TELO2: variants seen among roughly 807,000 people sequenced by gnomAD.
TELO2 encodes the protein telomere length regulation protein TEL2 homolog.
A neutral mutation model predicts 91.0 loss-of-function variants in TELO2; 71 were observed. The ratio of observed to expected loss-of-function variants is 0.78; its 90% confidence interval spans 0.64 to 0.95. TELO2 has a LOEUF of 0.95. Among genes scored for constraint, TELO2 ranks in the 40% least tolerant of loss-of-function variants. The pLI is 0.00. For missense variants in TELO2, 1,183 were observed against 1,141.3 expected, an observed-to-expected ratio of 1.04 and a Z score of -0.53; for synonymous variants, 584 against 518.9, an observed-to-expected ratio of 1.13 and a Z score of -1.71.
At chr16:1,499,871 C>T (rs1007153200) in intron 6 of TELO2, among the ~76,000 whole-genome samples, 2 of 152,226 alleles carry the variant, frequency 1.3e-5, no homozygotes, top group East Asian at 1.9e-4. Context: ...CGTTTTATCA[C>T]GTTCAGTTCA....
At chr16:1,499,154 G>C in intron 5 of TELO2, 77 bp from the exon 6 acceptor site, 1 of 1,474,020 alleles carries the variant, frequency 6.8e-7, no homozygotes, top group Non-Finnish European at 9.5e-7. Flanking sequence ...GCCGTCTGTG[G>C]GCATCGGAGT....
chr16:1,509,760 C>A, intron 20 of TELO2, 70 bp from the exon 21 acceptor site: 2 of 1,440,814 alleles, frequency 1.4e-6, no homozygotes, highest in South Asian at 1.2e-5. Context: ...TTCAGGCAGA[C>A]TGAAGACAGG....
intron 20 of TELO2, among the ~76,000 whole-genome samples, 166 bp downstream of exon 20, chr16:1,507,882 GT>G: frequency 7.5e-6 from 1 of 132,534 alleles, no homozygotes; most frequent in African/African-American, 3.2e-5. Context: ...GTGTGTGTGT[GT>G]GTGTGTGTGT....
chr16:1,505,051 TC>T lies in TELO2; in HGVS notation c.1843-353del, dbSNP rs571627459. 1.7e-3 allele frequency: 381 copies of T among 219,024 alleles called. 1 individual carries two copies. The highest frequency in any genetic ancestry group is 8.1e-3 in the African/African-American group (361 of 44,420). 13.6% of individuals were successfully genotyped at this position (219,024 alleles called of 1,614,324 possible). A position where few individuals can be genotyped will look rare whatever the true frequency, so the allele number is the denominator to read the frequency against. On this transcript the variant is annotated intron_variant, in intron 15 of 20. Coordinates refer to ENST00000262319, the MANE Select transcript of TELO2 (RefSeq NM_016111.4). The surrounding 1 kb of genome is among the most constrained non-coding windows in gnomAD (Gnocchi z 4.3). Reference sequence around the variant, plus strand: ...GTGCCTTCTCTGCAATGTTCTGAGGTCCCCCCGCCCGTGGCACGTGCCGCTG... The same window carrying T: ...GTGCCTTCTCTGCAATGTTCTGAGGTCCCCCGCCCGTGGCACGTGCCGCTG...
In TELO2 at chr16:1,501,414, C is replaced by T; in HGVS notation, c.1282-6C>T. 3 of 1,612,202 alleles carry T rather than the reference C, an allele frequency of 1.9e-6. No individual in the cohort carries two copies. Among genetic ancestry groups the T allele is most frequent in the Non-Finnish European group, 2.5e-6 (3 of 1,179,646 alleles). Reference sequence around the variant, plus strand: ...GGATGCCGCTGAGCCTGCTCCCCTGCTGTAGTACGAAGAGGATGAACTGAG... The same window carrying T: ...GGATGCCGCTGAGCCTGCTCCCCTGTTGTAGTACGAAGAGGATGAACTGAG... On this transcript the variant is annotated splice_region_variant and splice_polypyrimidine_tract_variant and intron_variant, in intron 9 of 20. Coordinates refer to ENST00000262319, the MANE Select transcript of TELO2 (RefSeq NM_016111.4).
In TELO2 at chr16:1,507,139, G is replaced by A; in HGVS notation, c.2226+88G>A. ...GCCTCACCTGCGCCCAGGGATGGGT[G>A]TCTGAGGGAGGGGCTGCCTGTGTGG... On this transcript the variant is annotated intron_variant, in intron 18 of 20. Coordinates refer to ENST00000262319, the MANE Select transcript of TELO2 (RefSeq NM_016111.4). 7.3e-6 allele frequency: 11 copies of A among 1,505,826 alleles called. No homozygotes were observed. In the South Asian group the frequency reaches 1.4e-4, roughly 19 times the overall value. 93.3% of individuals were successfully genotyped at this position (1,505,826 alleles called of 1,614,324 possible). A position where few individuals can be genotyped will look rare whatever the true frequency, so the allele number is the denominator to read the frequency against.
chr16:1,506,459 T>A, intron 17 of TELO2, 130 bp downstream of exon 17: 1 of 1,550,892 alleles, frequency 6.4e-7, no homozygotes, highest in Non-Finnish European at 8.7e-7. Flanking sequence ...GCTGTGGCTT[T>A]TTGTAAGCCT....
In TELO2 at chr16:1,500,176, C is replaced by T. The variant is rs1336341978; in HGVS notation, c.1002+12C>T. Reference sequence around the variant, plus strand: ...CGCTCCTGCTGCAGGTACGTGCCTCCTGGCTCTCCGTCCCTGCGAGGCCCT... The same window carrying T: ...CGCTCCTGCTGCAGGTACGTGCCTCTTGGCTCTCCGTCCCTGCGAGGCCCT... On this transcript the variant is annotated intron_variant, in intron 7 of 20. Transcript: ENST00000262319. 1.3e-6 allele frequency: 2 copies of T among 1,597,254 alleles called. No homozygotes were observed. Among genetic ancestry groups the T allele is most frequent in the South Asian group, 2.2e-5 (2 of 89,534 alleles).
rs367975943 is a variant in TELO2 at position 1,501,673 on chromosome 16, G to A, written c.1372G>A (p.Val458Ile). Residue 458 changes from valine (V) to isoleucine (I), a missense_variant, in exon 11 of 21, where the codon GTT becomes ATT. Coordinates refer to ENST00000262319, the MANE Select transcript of TELO2 (RefSeq NM_016111.4). ...CTTGTTTCCTTAAAGCACGTCCCTC[G>A]TTCCAGCCACGGCAGAGCCCCCTGC... ...DGASEAGTSLVPATAEPPAET... is the reference protein window; with the variant it reads ...DGASEAGTSLIPATAEPPAET... 2.8e-5 allele frequency: 45 copies of A among 1,608,488 alleles called. No individual in the cohort carries two copies. The East Asian group carries it at 6.0e-4, about 22-fold the overall frequency.
In TELO2 at chr16:1,495,577, CGA is replaced by C. The variant is rs1275239738; in HGVS notation, c.569_570del (p.Glu190GlyfsTer89). ...CCCAGAACTACTTCCGCCTGCTCGGCGAGGAGGTCGTCCGGGTGCTGCAGGCG... is the reference window on the plus strand; with the variant it reads ...CCCAGAACTACTTCCGCCTGCTCGGCGGAGGTCGTCCGGGTGCTGCAGGCG... ...FPQNYFRLLGEEVVRVLQAVV... is the reference protein window; with the variant it reads ...FPQNYFRLLGXEVVRVLQAVV... On this transcript the variant is annotated frameshift_variant, in exon 3 of 21. Coordinates refer to ENST00000262319, the MANE Select transcript of TELO2 (RefSeq NM_016111.4). LOFTEE classifies it high-confidence loss of function. 1.2e-6 allele frequency: 2 copies of C among 1,609,178 alleles called. No individual in the cohort carries two copies. Among genetic ancestry groups the C allele is most frequent in the Non-Finnish European group, 1.7e-6 (2 of 1,177,544 alleles).
rs760648210 is a variant in TELO2, at chr16:1,502,960, TGCCCTCAACTACAGCCTCCGG to T, written c.1801_1821del (p.Ala601_Arg607del). 3.0e-5 allele frequency: 49 copies of T among 1,611,414 alleles called. No individual in the cohort carries two copies. Among genetic ancestry groups the T allele is most frequent in the Non-Finnish European group, 4.0e-5 (47 of 1,180,020 alleles). Reference sequence around the variant, plus strand: ...CCGACTATCTGACCTCACAGTTCTATGCCCTCAACTACAGCCTCCGGCAGCGCATGGACATCCTGGATGTAA... The same window carrying T: ...CCGACTATCTGACCTCACAGTTCTATCAGCGCATGGACATCCTGGATGTAA... On this transcript the variant is annotated inframe_deletion, in exon 15 of 21. Coordinates refer to ENST00000262319, the MANE Select transcript of TELO2 (RefSeq NM_016111.4).
chr16:1,501,934 A>G, intron 11 of TELO2, 113 bp from the exon 12 acceptor site: 2 of 1,501,124 alleles, frequency 1.3e-6, no homozygotes, highest in African/African-American at 2.8e-5. Context: ...CCGTAGGCGC[A>G]GGGGCCGAGG....
At position 1,510,407 on chromosome 16, in the gene TELO2, G is replaced by A; in HGVS notation, c.*471G>A. ...GGCTCCTGGATGGGCTCGTGGGGCG[G>A]GATGGGACAGGGCACGGGCTCTCAG... On this transcript the variant is annotated 3_prime_UTR_variant, in exon 21 of 21. Coordinates refer to ENST00000262319, the MANE Select transcript of TELO2 (RefSeq NM_016111.4). 1 of 223,392 alleles carries A rather than the reference G, an allele frequency of 4.5e-6. No homozygotes were observed. The highest frequency in any genetic ancestry group is 9.0e-6 in the Non-Finnish European group (1 of 111,100). 13.8% of individuals were successfully genotyped at this position (223,392 alleles called of 1,614,324 possible).
intron 13 of TELO2, 41 bp from the exon 14 acceptor site, chr16:1,502,604 C>T (rs2039732103): frequency 1.9e-6 from 3 of 1,594,060 alleles, no homozygotes; most frequent in African/African-American, 2.7e-5. Context: ...CGGCGGGCAG[C>T]TGGGTCCGAC....
intron 9 of TELO2, 27 bp from the exon 10 acceptor site, chr16:1,501,393 G>A (rs2039670431): frequency 1.2e-6 from 2 of 1,607,552 alleles, no homozygotes; most frequent in African/African-American, 1.3e-5. Flanking sequence ...CCTGGCGGAT[G>A]CCGCTGAGCC....
chr16:1,505,322 C>T lies in TELO2; in HGVS notation c.1843-88C>T, dbSNP rs1242751047. 17 of 1,479,862 alleles carry T rather than the reference C, an allele frequency of 1.1e-5. No individual in the cohort carries two copies. The Admixed American group carries it at 1.3e-4, about 11-fold the overall frequency. The allele number at this position is 1,479,862 out of a possible 1,614,324, so 91.7% of individuals were successfully genotyped here. ...CTCCCAGGCTGGGCGGGCCCCCGGG[C>T]CCGTTTCTGGGGCTTTGGCTGACTT... is the stretch of plus-strand genomic sequence containing the variant. On this transcript the variant is annotated intron_variant, in intron 15 of 20. Coordinates refer to ENST00000262319, the MANE Select transcript of TELO2 (RefSeq NM_016111.4). The surrounding 1 kb of genome is among the most constrained non-coding windows in gnomAD (Gnocchi z 4.3).
At chr16:1,507,208 C>A in intron 18 of TELO2, 98 bp from the exon 19 acceptor site, 1 of 1,534,462 alleles carries the variant, frequency 6.5e-7, no homozygotes, top group South Asian at 1.2e-5. Flanking sequence ...CAGGCAGGCC[C>A]TGTCCCTGCT....
chr16:1,507,102 G>C (rs2039924344), intron 18 of TELO2, 51 bp downstream of exon 18: 1 of 1,549,482 alleles, frequency 6.5e-7, no homozygotes. Context: ...CATGGATCAG[G>C]AGCGCTCCTC....
Position 1,505,237 on chromosome 16 carries a change from G to T in TELO2, c.1843-173G>T. On this transcript the variant is annotated intron_variant, in intron 15 of 20. Transcript: ENST00000262319. The surrounding 1 kb of genome is among the most constrained non-coding windows in gnomAD (Gnocchi z 4.3). ...CCTTCCCCACCTTCCCGCCTACCAA[G>T]GCGCGGTTGCTGTGAGCTACGGGGA... The T allele has an allele frequency of 1.4e-6, 1 of 710,480 alleles. No individual in the cohort carries two copies. The highest frequency in any genetic ancestry group is 2.1e-5 in the South Asian group (1 of 48,632). The allele number at this position is 710,480 out of a possible 1,614,324, so 44.0% of individuals were successfully genotyped here. A position where few individuals can be genotyped will look rare whatever the true frequency, so the allele number is the denominator to read the frequency against.
Sources: gnomAD v4.1 joint callset for allele counts (sites outside exome capture counted in the v4.1 genomes callset) on GRCh38, gnomAD v4.1.1 for gene constraint, Gnocchi (gnomAD v3.1) non-coding constraint, MANE v1.5 for transcripts, NCBI Gene and HGNC (gene_info 2026-07-23, HGNC 2026-07-21) for gene names.